The following RASAL2 variants were observed in gnomAD, a reference collection of about 807,000 sequenced individuals.
The protein encoded by RASAL2 is RAS protein activator like 2.
RASAL2 carries 58 observed loss-of-function variants against 128.9 expected under a neutral mutation model. The observed-to-expected ratio is 0.45, with a 90% CI of 0.36 to 0.56. The LOEUF is 0.56. RASAL2 is among the 20% of genes least tolerant of loss of function. RASAL2 has a pLI of 0.00. For synonymous variants in RASAL2, 561 were observed against 580.8 expected, an observed-to-expected ratio of 0.97 and a Z score of 0.49; for missense variants, 1,360 against 1,601.6, an observed-to-expected ratio of 0.85 and a Z score of 2.57.
chr1:178,143,145 G>A (rs968827000), intron 1 of RASAL2, among the ~76,000 whole-genome samples: 1 of 151,716 alleles, frequency 6.6e-6, no homozygotes, highest in Non-Finnish European at 1.5e-5. Context: ...TATCATAGAT[G>A]TAATGTATGT....
chr1:178,320,939 A>AT (rs1668741651), intron 3 of RASAL2, among the ~76,000 whole-genome samples: 1 of 152,230 alleles, frequency 6.6e-6, no homozygotes, highest in Non-Finnish European at 1.5e-5. Context: ...GTCAGTTAAC[A>AT]TCCTCTTCGG....
At chr1:178,142,189 C>T (rs1660557924) in intron 1 of RASAL2, among the ~76,000 whole-genome samples, 1 of 152,118 alleles carries the variant, frequency 6.6e-6, no homozygotes, top group East Asian at 1.9e-4. Context: ...GTTCCTTTGG[C>T]AGTATCCAGG....
rs1205273652 is a variant in RASAL2 at position 178,474,096 on chromosome 1, C to G, written c.*857C>G. 1 of 152,614 alleles carries G rather than the reference C, an allele frequency of 6.6e-6. No homozygotes were observed. Among genetic ancestry groups the G allele is most frequent in the Non-Finnish European group, 1.5e-5 (1 of 68,042 alleles). The allele number at this position is 152,614 out of a possible 1,614,324, so 9.5% of individuals were successfully genotyped here. On this transcript the variant is annotated 3_prime_UTR_variant, in exon 18 of 18. Coordinates refer to ENST00000367649, the MANE Select transcript of RASAL2 (RefSeq NM_170692.4). ...TGTCTCCACATACCATCTTCATCTTCACACATTCACTGTGCTTTCCTCCCC... is the reference window on the plus strand; with the variant it reads ...TGTCTCCACATACCATCTTCATCTTGACACATTCACTGTGCTTTCCTCCCC...
chr1:178,457,966 G>A lies in RASAL2; in HGVS notation c.2674G>A (p.Glu892Lys), dbSNP rs745690215. 6.2e-7 allele frequency: 1 copy of A among 1,614,014 alleles called. No individual in the cohort carries two copies. Among genetic ancestry groups the A allele is most frequent in the South Asian group, 1.1e-5 (1 of 91,082 alleles). ...GGTGGCCAGCATCAAACAGCTGCGG[G>A]AAACCCAGAGCACTCCCCAAAGTGC... The part of the protein sequence containing the change: ...TQVASIKQLR[E>K]TQSTPQSAPQ... Residue 892 changes from glutamate to lysine, a missense_variant, in exon 14 of 18, where the codon GAA becomes AAA. Physicochemically the swap from Glu to Lys is moderately conservative, Grantham distance 56 (BLOSUM62 1). Around this residue, in one of 3 missense-constraint regions of RASAL2, gnomAD observed 741 missense variants for 868.6 expected, o/e 0.85. Transcript: ENST00000367649.
At chr1:178,113,594 G>C (rs553731748) in intron 1 of RASAL2, among the ~76,000 whole-genome samples, 1 of 147,472 alleles carries the variant, frequency 6.8e-6, no homozygotes, top group Non-Finnish European at 1.5e-5. Flanking sequence ...TATTGCCCAG[G>C]CTGGTCTGAA....
chr1:178,216,376 C>A (rs566317564), intron 1 of RASAL2, among the ~76,000 whole-genome samples: 1 of 152,138 alleles, frequency 6.6e-6, no homozygotes. Flanking sequence ...ATTCCACATG[C>A]CTGTGTTTAC....
intron 1 of RASAL2, among the ~76,000 whole-genome samples, chr1:178,133,907 A>G (rs900084468): frequency 4.6e-5 from 7 of 152,302 alleles, no homozygotes; most frequent in East Asian, 1.9e-4. Context: ...TACCTTTTCT[A>G]ATTAATAGCT....
intron 1 of RASAL2, among the ~76,000 whole-genome samples, chr1:178,181,973 A>G (rs1448368281): frequency 2.0e-5 from 3 of 151,978 alleles, no homozygotes; most frequent in Non-Finnish European, 4.4e-5. Context: ...TTTCCCCCTT[A>G]TTTCCATTCT....
rs976755660 is a variant in RASAL2 at position 178,116,169 on chromosome 1, C to G, written c.202+21475C>G. 9.2e-5 allele frequency among the ~76,000 whole-genome samples: 14 copies of G among 152,214 alleles called. 1 individual carries two copies. Among genetic ancestry groups the G allele is most frequent in the African/African-American group, 3.4e-4 (14 of 41,530 alleles). ...CCCTCCTGACTAGAAATAACCTTTC[C>G]CTTTTCTGAATTTCTATTAAACTTT... On this transcript the variant is annotated intron_variant, in intron 1 of 17. Coordinates refer to ENST00000367649, the MANE Select transcript of RASAL2 (RefSeq NM_170692.4).
chr1:178,277,379 A>C (rs1185842997), intron 1 of RASAL2, among the ~76,000 whole-genome samples: 2 of 152,068 alleles, frequency 1.3e-5, no homozygotes, highest in Non-Finnish European at 2.9e-5. Context: ...GGCTAGCCTC[A>C]AACTTCTGAG....
chr1:178,134,687 C>T (rs1054057150), intron 1 of RASAL2, among the ~76,000 whole-genome samples: 1 of 152,134 alleles, frequency 6.6e-6, no homozygotes, highest in Non-Finnish European at 1.5e-5. Flanking sequence ...CAATTGCAGA[C>T]AAGAGCAGAG....
At chr1:178,227,677 G>A (rs1482909069) in intron 1 of RASAL2, among the ~76,000 whole-genome samples, 1 of 152,168 alleles carries the variant, frequency 6.6e-6, no homozygotes, top group African/African-American at 2.4e-5. Context: ...GTGAATTTAA[G>A]TAATTGCATA....
rs188423924 is a variant in RASAL2 at position 178,327,700 on chromosome 1, G to A, written c.457+27582G>A. Among the ~76,000 whole-genome samples, 5 of 152,212 alleles carry A rather than the reference G, an allele frequency of 3.3e-5. No homozygotes were observed. In the East Asian group the frequency reaches 9.6e-4, roughly 29 times the overall value. Reference sequence around the variant, plus strand: ...GCATAATTGGCAGAAAGACAACCTTGTTAGTTCTTGTACCTAGAAAAACAG... The same window carrying A: ...GCATAATTGGCAGAAAGACAACCTTATTAGTTCTTGTACCTAGAAAAACAG... On this transcript the variant is annotated intron_variant, in intron 3 of 17. Coordinates refer to ENST00000367649, the MANE Select transcript of RASAL2 (RefSeq NM_170692.4).
intron 3 of RASAL2, among the ~76,000 whole-genome samples, chr1:178,364,375 C>G (rs757266982): frequency 6.6e-6 from 1 of 152,158 alleles, no homozygotes; most frequent in Non-Finnish European, 1.5e-5. Flanking sequence ...CCAATACTGG[C>G]TATATGACTT....
At chr1:178,212,798 A>G (rs316257) in intron 1 of RASAL2, among the ~76,000 whole-genome samples, 39,801 of 152,124 alleles carry the variant, frequency 0.26, 6,239 homozygotes, top group Middle Eastern at 0.37. Flanking sequence ...GTGCCCGGCC[A>G]CTTCTATCTA....
intron 14 of RASAL2, among the ~76,000 whole-genome samples, chr1:178,463,684 T>TATGAAAA (rs1443439498): frequency 6.6e-6 from 1 of 152,154 alleles, no homozygotes; most frequent in Non-Finnish European, 1.5e-5. Context: ...AAATCAATAA[T>TATGAAAA]ATGAAAACTA....
intron 3 of RASAL2, among the ~76,000 whole-genome samples, chr1:178,341,778 T>C (rs892301969): frequency 1.3e-5 from 2 of 152,236 alleles, no homozygotes; most frequent in Non-Finnish European, 2.9e-5. Context: ...GTGTGGAAGC[T>C]GTCTGTTAGC....
chr1:178,473,169 G>C lies in RASAL2; in HGVS notation c.3773G>C (p.Gly1258Ala), dbSNP rs147414225. Residue 1258 changes from glycine (G) to alanine (A), a missense_variant, in exon 18 of 18, where the codon GGC becomes GCC. Physicochemically the swap from Gly to Ala is moderately conservative, Grantham distance 60. Transcript: ENST00000367649. ...KERYSMQVRN[G>A]ISPTNPTKLS... ...CGGTACAGCATGCAGGTCCGCAATG[G>C]CATCTCCCCCACCAACCCCACCAAG... 3.7e-6 allele frequency: 6 copies of C among 1,614,044 alleles called. No individual in the cohort carries two copies. The African/African-American group carries it at 8.0e-5, about 22-fold the overall frequency.
intron 13 of RASAL2, among the ~76,000 whole-genome samples, chr1:178,457,235 T>G (rs1386515961): frequency 1.3e-5 from 2 of 152,270 alleles, no homozygotes; most frequent in Non-Finnish European, 2.9e-5. Flanking sequence ...AAAACCATTT[T>G]ATAGCTGGCT....
Sources: allele counts gnomAD v4.1 joint callset (sites outside exome capture counted in the v4.1 genomes callset), GRCh38; gene constraint gnomAD v4.1.1; regional missense constraint gnomAD v4.1.1; transcripts MANE v1.5; gene names NCBI Gene and HGNC (gene_info 2026-07-23, HGNC 2026-07-21).